The following ROBO2 variants were observed in gnomAD, a reference collection of about 807,000 sequenced individuals.
The protein encoded by ROBO2 is roundabout guidance receptor 2.
ROBO2 carries 53 observed loss-of-function variants against 160.8 expected under a neutral mutation model. The observed-to-expected ratio is 0.33, with a 90% CI of 0.26 to 0.41. The LOEUF (loss-of-function observed/expected upper bound fraction) is 0.41, where lower values mean the gene tolerates loss of function less well. ROBO2 is among the 10% of genes least tolerant of loss of function. The pLI is 1.00. For synonymous variants in ROBO2, 664 were observed against 611.7 expected (o/e 1.09, Z -1.26); for missense variants, 1,577 against 1,722.4 (o/e 0.92, Z 1.49).
intron 2 of ROBO2, among the ~76,000 whole-genome samples, chr3:76,758,813 A>G (rs2061135220): frequency 2.6e-5 from 4 of 151,896 alleles, no homozygotes; most frequent in Admixed American, 2.6e-4. Context: ...CCAAGGAATT[A>G]TAGTGGGAAG....
chr3:76,259,039 G>A (rs774262538), intron 2 of ROBO2, among the ~76,000 whole-genome samples: 19 of 152,188 alleles, frequency 1.2e-4, no homozygotes, highest in Middle Eastern at 3.4e-3. Context: ...TGTTGACTAA[G>A]ACTGAGTATT....
intron 2 of ROBO2, among the ~76,000 whole-genome samples, chr3:76,062,428 A>G (rs1295675404): frequency 1.6e-4 from 24 of 152,232 alleles, no homozygotes; most frequent in Non-Finnish European, 1.2e-4. Flanking sequence ...GAGTCCCTAT[A>G]GTTTTACAAC....
Position 76,787,328 on chromosome 3 carries a change from CCACACACACACACA to C in ROBO2, c.110-310661_110-310648del, listed in dbSNP as rs60806662. On this transcript the variant is annotated intron_variant, in intron 2 of 26. Transcript: ENST00000487694. ...TTTCCAGTCATTAAATGTAAACACA[CCACACACACACACA>C]CACACACACACACACACACACACAG... 4.4e-3 allele frequency among the ~76,000 whole-genome samples: 619 copies of C among 142,260 alleles called. 18 individuals are homozygous for C. The highest frequency in any genetic ancestry group is 0.029 in the East Asian group (137 of 4,726). 93.3% of individuals were successfully genotyped at this position (142,260 alleles called of 152,430 possible).
intron 1 of ROBO2, among the ~76,000 whole-genome samples, chr3:75,921,355 T>TAC (rs140153801): frequency 0.28 from 41,844 of 151,022 alleles, 6,513 homozygotes; most frequent in East Asian, 0.58. Context: ...GTGATATACA[T>TAC]ACACACACAC....
chr3:75,926,902 T>A (rs1239396330), intron 1 of ROBO2, among the ~76,000 whole-genome samples: 1 of 152,246 alleles, frequency 6.6e-6, no homozygotes, highest in Non-Finnish European at 1.5e-5. Context: ...TAACAATTCC[T>A]GTACCTCATT....
intron 4 of ROBO2, among the ~76,000 whole-genome samples, chr3:77,490,845 T>C (rs2086015429): frequency 6.6e-6 from 1 of 152,218 alleles, no homozygotes; most frequent in Non-Finnish European, 1.5e-5. Flanking sequence ...TCTGTCCCCT[T>C]TTCGACATCC....
chr3:76,825,460 C>T (rs985373774), intron 2 of ROBO2, among the ~76,000 whole-genome samples: 1 of 151,862 alleles, frequency 6.6e-6, no homozygotes, highest in Admixed American at 6.6e-5. Context: ...ATTCAATATG[C>T]AAACTTCCCC....
chr3:76,671,534 T>G (rs2092262616), intron 2 of ROBO2, among the ~76,000 whole-genome samples: 2 of 152,260 alleles, frequency 1.3e-5, no homozygotes, highest in South Asian at 4.1e-4. Flanking sequence ...ATATGAAAAT[T>G]CCAGTCATTT....
At chr3:76,828,051 C>T (rs2066734074) in intron 2 of ROBO2, among the ~76,000 whole-genome samples, 1 of 152,132 alleles carries the variant, frequency 6.6e-6, no homozygotes, top group Admixed American at 6.6e-5. Context: ...CACTACAGAT[C>T]TGGACAGGGA....
At position 76,328,908 on chromosome 3, in the gene ROBO2, T is replaced by TTATATATATA. The variant is rs201466987; in HGVS notation, c.109+391320_109+391329dup. Among the ~76,000 whole-genome samples the TTATATATATA allele has an allele frequency of 2.2e-3, 298 of 135,988 alleles. 2 individuals carry two copies. The highest frequency in any genetic ancestry group is 7.2e-3 in the Admixed American group (99 of 13,812). The allele number at this position is 135,988 out of a possible 152,430, so 89.2% of individuals were successfully genotyped here. A position where few individuals can be genotyped will look rare whatever the true frequency, so the allele number is the denominator to read the frequency against. Reference sequence around the variant, plus strand: ...AATATATATATATATATTTATGTTATTATATATATATATATATATATATGT... The same window carrying TTATATATATA: ...AATATATATATATATATTTATGTTATTATATATATATATATATATATATATATATATATGT... On this transcript the variant is annotated intron_variant, in intron 2 of 26. Coordinates refer to the ROBO2 transcript ENST00000487694.
intron 2 of ROBO2, among the ~76,000 whole-genome samples, chr3:76,486,798 TG>T (rs2079522097): frequency 6.6e-6 from 1 of 152,200 alleles, no homozygotes; most frequent in Non-Finnish European, 1.5e-5. Flanking sequence ...TCCATTGTCA[TG>T]TAATGAATGG....
At chr3:77,272,278 A>G (rs1314063975) in intron 2 of ROBO2, among the ~76,000 whole-genome samples, 2 of 152,164 alleles carry the variant, frequency 1.3e-5, no homozygotes, top group Non-Finnish European at 2.9e-5. Flanking sequence ...CATAAAGAAA[A>G]GAGGTTTAAC....
chr3:77,623,454 G>A (rs1036359348), intron 23 of ROBO2, among the ~76,000 whole-genome samples: 1 of 152,206 alleles, frequency 6.6e-6, no homozygotes, highest in Non-Finnish European at 1.5e-5. Flanking sequence ...AAACACTGAT[G>A]GGAACTGGTT....
chr3:77,572,145 GTTC>G (rs142177312), intron 13 of ROBO2, among the ~76,000 whole-genome samples: 3,393 of 152,066 alleles, frequency 0.022, 125 homozygotes, highest in African/African-American at 0.077. Flanking sequence ...GCTGCTTAAT[GTTC>G]TTCTTAAAAA....
At chr3:76,532,670 A>G (rs1366023382) in intron 2 of ROBO2, among the ~76,000 whole-genome samples, 1 of 152,176 alleles carries the variant, frequency 6.6e-6, no homozygotes, top group Admixed American at 6.5e-5. Context: ...CATGACTGAC[A>G]TGTGAAAAGT....
chr3:76,206,125 A>G (rs1702792009), intron 2 of ROBO2, among the ~76,000 whole-genome samples: 1 of 150,600 alleles, frequency 6.6e-6, no homozygotes, highest in Non-Finnish European at 1.5e-5. Context: ...CCACTCTTAG[A>G]GAGCTGACCA....
intron 2 of ROBO2, among the ~76,000 whole-genome samples, chr3:76,771,596 A>G (rs528733183): frequency 6.6e-6 from 1 of 151,374 alleles, no homozygotes; most frequent in Admixed American, 6.6e-5. Context: ...TTTAAGTCAA[A>G]CTTAAAGCTA....
chr3:76,839,374 G>T (rs778100493), intron 2 of ROBO2, among the ~76,000 whole-genome samples: 5 of 152,114 alleles, frequency 3.3e-5, no homozygotes, highest in Non-Finnish European at 4.4e-5. Flanking sequence ...AATTTATTGA[G>T]TTCATGAGGC....
intron 2 of ROBO2, among the ~76,000 whole-genome samples, chr3:76,712,804 T>C (rs1020892293): frequency 3.3e-5 from 5 of 152,152 alleles, no homozygotes; most frequent in African/African-American, 1.2e-4. Context: ...TCCTTTCTTT[T>C]CCAATTTTCT....
Sources: gnomAD v4.1 joint callset for allele counts (sites outside exome capture counted in the v4.1 genomes callset) on GRCh38, gnomAD v4.1.1 for gene constraint, MANE v1.5 for transcripts, NCBI Gene and HGNC (gene_info 2026-07-23, HGNC 2026-07-21) for gene names.